The following CD47 variants were observed in gnomAD, a reference collection of about 807,000 sequenced individuals.
The protein encoded by CD47 is CD47 molecule.
A neutral mutation model predicts 44.6 loss-of-function variants in CD47; 11 were observed. The observed-to-expected ratio is 0.25, with a 90% CI of 0.16 to 0.41. The LOEUF is 0.41. Among genes scored for constraint, CD47 ranks in the 10% least tolerant of loss-of-function variants. CD47 has a pLI of 1.00. For missense variants in CD47, 306 were observed against 386.7 expected (o/e 0.79, Z 1.75); for synonymous variants, 140 against 136.3 (o/e 1.03, Z -0.19).
intron 3 of CD47, among the ~76,000 whole-genome samples, chr3:108,065,547 T>C (rs2079089268): frequency 6.6e-6 from 1 of 152,144 alleles, no homozygotes; most frequent in Non-Finnish European, 1.5e-5. Context: ...GCATGGTGGC[T>C]AATGCCTGTA....
chr3:108,076,207 G>GT (rs2079307933), intron 2 of CD47, among the ~76,000 whole-genome samples: 1 of 152,166 alleles, frequency 6.6e-6, no homozygotes, highest in South Asian at 2.1e-4. Flanking sequence ...TGCTATATTT[G>GT]TAGTTGTTAT....
rs1409794347 is a variant in CD47 at position 108,090,986 on chromosome 3, C to T, written c.-78G>A. 1.7e-5 allele frequency: 17 copies of T among 1,024,444 alleles called. No individual in the cohort carries two copies. The Admixed American group carries it at 2.0e-4, about 12-fold the overall frequency. The allele number at this position is 1,024,444 out of a possible 1,614,324, so 63.5% of individuals were successfully genotyped here. A position where few individuals can be genotyped will look rare whatever the true frequency, so the allele number is the denominator to read the frequency against. On this transcript the variant is annotated 5_prime_UTR_variant, in exon 1 of 11. Transcript: ENST00000361309. ...GCCGCCGCCGCCGTTACAGGCAGGA[C>T]CGACCGCCGCCGCGCGTCACAGGCA...
At chr3:108,061,886 A>G (rs1222362628) in intron 3 of CD47, among the ~76,000 whole-genome samples, 2 of 152,218 alleles carry the variant, frequency 1.3e-5, no homozygotes, top group Non-Finnish European at 2.9e-5. Context: ...TTTAGCATTT[A>G]GTTTTTTTTC....
chr3:108,084,954 T>C (rs972047502), intron 1 of CD47, among the ~76,000 whole-genome samples: 1 of 152,064 alleles, frequency 6.6e-6, no homozygotes, highest in Non-Finnish European at 1.5e-5. Flanking sequence ...TTTCTACAGT[T>C]CCCAAAATAA....
At chr3:108,053,229 A>G (rs941047789) in intron 7 of CD47, 1 of 152,288 alleles carries the variant, frequency 6.6e-6, no homozygotes, top group Non-Finnish European at 1.5e-5. Context: ...AAGCTTCCAA[A>G]GCTGGCAGGG....
In CD47 at chr3:108,043,516, C is replaced by T. The variant is rs1576977569; in HGVS notation, c.*3772G>A. ...TCAAATCACTGCAAAAAAATGGCTA[C>T]TGACAAATAGCACACCTTTAATTGC... On this transcript the variant is annotated 3_prime_UTR_variant, in exon 11 of 11. Coordinates refer to ENST00000361309, the MANE Select transcript of CD47 (RefSeq NM_001777.4). 6.6e-6 allele frequency: 1 copy of T among 152,086 alleles called. No individual in the cohort carries two copies. Among genetic ancestry groups the T allele is most frequent in the Admixed American group, 6.6e-5 (1 of 15,240 alleles). The allele number at this position is 152,086 out of a possible 1,614,324, so 9.4% of individuals were successfully genotyped here.
rs1315455823 is a variant in CD47, at chr3:108,057,475, A to C, written c.877+2T>G. ...AGGTTAATGAAAATAAGATTGACTTACCCACAAATTTCATATAAACTAGTC... is the reference window on the plus strand; with the variant it reads ...AGGTTAATGAAAATAAGATTGACTTCCCCACAAATTTCATATAAACTAGTC... On this transcript the variant is annotated splice_donor_variant, in intron 7 of 10. Coordinates refer to ENST00000361309, the MANE Select transcript of CD47 (RefSeq NM_001777.4). LOFTEE classifies it high-confidence loss of function. The C allele has an allele frequency of 7.3e-7, 1 of 1,367,902 alleles. No individual in the cohort carries two copies. The highest frequency in any genetic ancestry group is 1.0e-6 in the Non-Finnish European group (1 of 959,432). 84.7% of individuals were successfully genotyped at this position (1,367,902 alleles called of 1,614,324 possible).
chr3:108,051,732 AT>A (rs776958405), intron 8 of CD47: 2 of 658,214 alleles, frequency 3.0e-6, no homozygotes, highest in Non-Finnish European at 5.8e-6. Flanking sequence ...TTAAGAAATC[AT>A]TTATTCCATC....
At chr3:108,081,542 G>A (rs958589063) in intron 1 of CD47, among the ~76,000 whole-genome samples, 1 of 151,976 alleles carries the variant, frequency 6.6e-6, no homozygotes, top group Non-Finnish European at 1.5e-5. Context: ...ATGCAAGGAT[G>A]CATACTGGAA....
At chr3:108,075,855 T>G (rs1485414832) in intron 2 of CD47, among the ~76,000 whole-genome samples, 1 of 152,208 alleles carries the variant, frequency 6.6e-6, no homozygotes, top group Admixed American at 6.5e-5. Context: ...CAAAATAAAC[T>G]CAATATGTGA....
At chr3:108,061,117 C>T (rs370947428) in intron 3 of CD47, among the ~76,000 whole-genome samples, 60 of 150,894 alleles carry the variant, frequency 4.0e-4, no homozygotes, top group African/African-American at 1.4e-3. Context: ...CAGTCTTTCT[C>T]GGTTGATGTA....
At chr3:108,055,621 TA>T (rs1416644274) in intron 7 of CD47, 1 of 993,842 alleles carries the variant, frequency 1.0e-6, no homozygotes, top group East Asian at 6.0e-5. Flanking sequence ...TCAATAAAAT[TA>T]GGACACTATC....
At chr3:108,065,849 T>G (rs1443103741) in intron 3 of CD47, among the ~76,000 whole-genome samples, 1 of 129,922 alleles carries the variant, frequency 7.7e-6, no homozygotes, top group Non-Finnish European at 1.6e-5. Flanking sequence ...AAAAAAGAAT[T>G]CACAGTAAAC....
Position 108,079,996 on chromosome 3 carries a change from C to T in CD47, c.395G>A (p.Arg132His), listed in dbSNP as rs952895858. 14 of 1,602,156 alleles carry T rather than the reference C, an allele frequency of 8.7e-6. No homozygotes were observed. The highest frequency in any genetic ancestry group is 1.7e-4 in the Middle Eastern group (1 of 6,020). ...EGETIIELKYRVVSWFSPNEN... is the reference protein window; with the variant it reads ...EGETIIELKYHVVSWFSPNEN... ...AGCTTTCATAGAAGTCTTACCAACA[C>T]GATATTTTAGCTCGATGATCGTTTC... The change falls in exon 2 of 11, where the codon CGT (arginine) becomes CAT (histidine). Residue 132 changes from arginine to histidine, a missense_variant. Around this residue, in one of 5 missense-constraint regions of CD47, gnomAD observed 65 missense variants for 119.9 expected, o/e 0.54. Coordinates refer to ENST00000361309, the MANE Select transcript of CD47 (RefSeq NM_001777.4).
At position 108,044,431 on chromosome 3, in the gene CD47, A is replaced by AC. The variant is rs2078682546; in HGVS notation, c.*2856_*2857insG. On this transcript the variant is annotated 3_prime_UTR_variant, in exon 11 of 11. Transcript: ENST00000361309. Reference sequence around the variant, plus strand: ...GAAATTAGTCAAAAAAAAAAAAAAAAAAAAAAAAAAAAAAAACAAAAAAAA... The same window carrying AC: ...GAAATTAGTCAAAAAAAAAAAAAAAACAAAAAAAAAAAAAAAACAAAAAAAA... 2.3e-4 allele frequency: 2 copies of AC among 8,844 alleles called. No individual in the cohort carries two copies. Among genetic ancestry groups the AC allele is most frequent in the African/African-American group, 5.5e-4 (2 of 3,632 alleles). The allele number at this position is 8,844 out of a possible 1,614,324, so 0.5% of individuals were successfully genotyped here.
At chr3:108,058,597 TAGTC>T (rs2078958066) in intron 5 of CD47, among the ~76,000 whole-genome samples, 168 bp from the exon 6 acceptor site, 1 of 152,204 alleles carries the variant, frequency 6.6e-6, no homozygotes, top group Non-Finnish European at 1.5e-5. Context: ...TCCACACAAG[TAGTC>T]AGCTCCAAAT....
In CD47 at chr3:108,068,774, CA is replaced by C. The variant is rs913727642; in HGVS notation, c.490+2318del. Among the ~76,000 whole-genome samples, 4 of 152,254 alleles carry C rather than the reference CA, an allele frequency of 2.6e-5. 1 individual carries two copies. The highest frequency in any genetic ancestry group is 9.6e-5 in the African/African-American group (4 of 41,540). ...TTTGCACAGAACCTGTCAAGCAGAG[CA>C]AGAGCTCCACAAATGGTTAGCTACT... On this transcript the variant is annotated intron_variant, in intron 3 of 10. Transcript: ENST00000361309.
chr3:108,060,645 T>A, intron 4 of CD47, 100 bp downstream of exon 4: 2 of 744,794 alleles, frequency 2.7e-6, no homozygotes, highest in Non-Finnish European at 2.3e-6. Context: ...CAGTTTGTGG[T>A]CATCTGTTCC....
intron 7 of CD47, among the ~76,000 whole-genome samples, chr3:108,056,395 T>C (rs1236021123): frequency 2.6e-5 from 4 of 152,302 alleles, no homozygotes; most frequent in African/African-American, 7.2e-5. Context: ...TATGACAGAA[T>C]TGAATTCAAT....
Sources: gnomAD v4.1 joint callset for allele counts (sites outside exome capture counted in the v4.1 genomes callset) on GRCh38, gnomAD v4.1.1 for gene constraint, gnomAD v4.1.1 regional missense constraint, MANE v1.5 for transcripts, NCBI Gene and HGNC (gene_info 2026-07-23, HGNC 2026-07-21) for gene names.